Variants in MAST4 observed in about 807,000 individuals in gnomAD.
The protein encoded by MAST4 is microtubule-associated serine/threonine-protein kinase 4.
MAST4 carries 89 observed loss-of-function variants against 162.7 expected under a neutral mutation model. That is an observed-to-expected ratio of 0.55 (90% CI 0.46 to 0.65). MAST4 has a LOEUF of 0.65. MAST4 is among the 30% of genes least tolerant of loss of function. The pLI is 0.00. For synonymous variants in MAST4, 1,479 were observed against 1,361.1 expected (o/e 1.09, Z -1.91); for missense variants, 3,153 against 3,374.0 (o/e 0.93, Z 1.62).
intron 4 of MAST4, among the ~76,000 whole-genome samples, chr5:67,037,596 C>A (rs999023991): frequency 1.3e-5 from 2 of 152,160 alleles, no homozygotes; most frequent in African/African-American, 4.8e-5. Context: ...ATCAGGGAAG[C>A]AGTTTTCTTC....
chr5:67,084,869 G>C (rs1763069829), intron 5 of MAST4, among the ~76,000 whole-genome samples: 1 of 152,154 alleles, frequency 6.6e-6, no homozygotes, highest in African/African-American at 2.4e-5. Context: ...TAAATAATAT[G>C]AGATTTAAAA....
intron 4 of MAST4, among the ~76,000 whole-genome samples, chr5:66,996,433 T>A (rs990362592): frequency 3.0e-4 from 46 of 152,152 alleles, no homozygotes; most frequent in Non-Finnish European, 4.4e-4. Context: ...ACATATTTTT[T>A]AAAAATATCA....
intron 4 of MAST4, among the ~76,000 whole-genome samples, chr5:66,942,859 A>G (rs1169513305): frequency 6.6e-6 from 1 of 152,056 alleles, no homozygotes; most frequent in African/African-American, 2.4e-5. Flanking sequence ...GTGGCTTATA[A>G]ACAGAAACTT....
At position 66,597,008 on chromosome 5, in the gene MAST4, A is replaced by G; in HGVS notation, c.353A>G (p.Gln118Arg). 1 of 1,446,904 alleles carries G rather than the reference A, an allele frequency of 6.9e-7. No homozygotes were observed. Among genetic ancestry groups the G allele is most frequent in the Non-Finnish European group, 9.0e-7 (1 of 1,106,122 alleles). The allele number at this position is 1,446,904 out of a possible 1,614,324, so 89.6% of individuals were successfully genotyped here. Residue 118 changes from glutamine (Q) to arginine (R), a missense_variant, in exon 1 of 29, where the codon CAG (glutamine) becomes CGG (arginine). Around this residue, in one of 7 missense-constraint regions of MAST4, gnomAD observed 327 missense variants for 336.5 expected, o/e 0.97. Transcript: ENST00000403625. ...PRGSSASQEE[Q>R]DEELDHILSP... ...GGCAGCAGCGCGTCCCAGGAGGAGC[A>G]GGACGAGGAGGTGGGCCTTTCCCCA...
intron 10 of MAST4, among the ~76,000 whole-genome samples, chr5:67,108,112 T>G (rs1188948619): frequency 6.6e-6 from 1 of 152,202 alleles, no homozygotes; most frequent in Non-Finnish European, 1.5e-5. Context: ...CTGATTATTC[T>G]TAGAACTAAG....
At chr5:67,118,388 A>C (rs1191019977) in intron 12 of MAST4, among the ~76,000 whole-genome samples, 1 of 152,202 alleles carries the variant, frequency 6.6e-6, no homozygotes, top group Non-Finnish European at 1.5e-5. Flanking sequence ...TGACCCACCG[A>C]AGCCTTTCCA....
chr5:66,639,278 TTGTGTGTGTGTGTGTGTGTG>T (rs70987132), intron 1 of MAST4, among the ~76,000 whole-genome samples: 3 of 138,624 alleles, frequency 2.2e-5, no homozygotes, highest in Non-Finnish European at 4.7e-5. Flanking sequence ...GAGAGGCAGC[TTGTGTGTGTGTGTGTGTGTG>T]TGTGTGTGTG....
At chr5:66,760,143 G>A (rs1247762834) in intron 2 of MAST4, among the ~76,000 whole-genome samples, 1 of 147,714 alleles carries the variant, frequency 6.8e-6, no homozygotes, top group Non-Finnish European at 1.5e-5. Flanking sequence ...ACAGAGTCTC[G>A]CTCCGTTGCT....
At chr5:67,062,334 G>A (rs1458557210) in intron 5 of MAST4, among the ~76,000 whole-genome samples, 1 of 152,042 alleles carries the variant, frequency 6.6e-6, no homozygotes, top group African/African-American at 2.4e-5. Flanking sequence ...GGAGGCGGAG[G>A]CTGCAGTGAG....
intron 19 of MAST4, among the ~76,000 whole-genome samples, chr5:67,137,477 A>T (rs1769811546): frequency 6.6e-6 from 1 of 152,124 alleles, no homozygotes; most frequent in African/African-American, 2.4e-5. Context: ...TGGGTTGTTT[A>T]CTCTGGGCTG....
intron 4 of MAST4, among the ~76,000 whole-genome samples, chr5:66,905,797 C>G (rs1763319661): frequency 1.3e-5 from 2 of 152,062 alleles, no homozygotes; most frequent in African/African-American, 4.8e-5. Flanking sequence ...CTGATATTGG[C>G]AATTGGTTGA....
chr5:67,111,876 C>G (rs189312320), intron 11 of MAST4, among the ~76,000 whole-genome samples: 5 of 152,242 alleles, frequency 3.3e-5, no homozygotes, highest in Admixed American at 2.0e-4. Context: ...TTTCAAAGTA[C>G]TCTTTAAAGC....
intron 4 of MAST4, among the ~76,000 whole-genome samples, chr5:66,972,941 C>T (rs58723421): frequency 0.027 from 4,172 of 152,320 alleles, 169 homozygotes; most frequent in African/African-American, 0.095. Flanking sequence ...ATACTCTCTT[C>T]CTACCCCTTC....
chr5:67,062,177 G>A (rs949420369), intron 5 of MAST4, among the ~76,000 whole-genome samples: 12 of 152,100 alleles, frequency 7.9e-5, no homozygotes, highest in Admixed American at 3.9e-4. Flanking sequence ...TGAGGTGGGC[G>A]GATTACGAGG....
intron 1 of MAST4, among the ~76,000 whole-genome samples, chr5:66,613,841 A>C (rs1406016710): frequency 6.6e-6 from 1 of 152,180 alleles, no homozygotes; most frequent in Non-Finnish European, 1.5e-5. Flanking sequence ...ACCAAAAAAA[A>C]CTTCTGGATT....
chr5:67,107,863 C>G (rs1331792427), intron 10 of MAST4, among the ~76,000 whole-genome samples: 2 of 152,216 alleles, frequency 1.3e-5, no homozygotes, highest in African/African-American at 4.8e-5. Context: ...CTAACCTACT[C>G]TCAAATCTAG....
chr5:67,102,221 C>T (rs1321350175), intron 8 of MAST4, among the ~76,000 whole-genome samples: 1 of 152,038 alleles, frequency 6.6e-6, no homozygotes, highest in Non-Finnish European at 1.5e-5. Flanking sequence ...AGATCTTATG[C>T]AAGCTCATAC....
In MAST4 at chr5:67,140,121, C is replaced by G. The variant is rs140841406; in HGVS notation, c.2495-1994C>G. The stretch of plus-strand genomic sequence containing the variant: ...AGCAACCCAAAATGTGAGGGCTGGG[C>G]CATTGATGTGGCCCCATGAGCAGCA... On this transcript the variant is annotated intron_variant, in intron 19 of 28. Coordinates refer to ENST00000403625, the MANE Select transcript of MAST4 (RefSeq NM_001164664.2). Among the ~76,000 whole-genome samples the G allele has an allele frequency of 7.9e-4, 120 of 152,274 alleles. 1 individual carries two copies. Among genetic ancestry groups the G allele is most frequent in the African/African-American group, 2.6e-3 (109 of 41,546 alleles).
Position 67,165,684 on chromosome 5 carries a change from A to ACTGCAGAGCCCAGCT in MAST4, c.6507_6521dup (p.Ala2170_Ser2174dup). 6.3e-7 allele frequency: 1 copy of ACTGCAGAGCCCAGCT among 1,589,268 alleles called. No homozygotes were observed. Among genetic ancestry groups the ACTGCAGAGCCCAGCT allele is most frequent in the Non-Finnish European group, 8.6e-7 (1 of 1,168,520 alleles). On this transcript the variant is annotated inframe_insertion, in exon 29 of 29. Coordinates refer to ENST00000403625, the MANE Select transcript of MAST4 (RefSeq NM_001164664.2). Reference sequence around the variant, plus strand: ...CAGAGAGCCGGGGGCCAAGCCCAGCACTGCAGAGCCCAGCTCGAGCCCCCA... The same window carrying ACTGCAGAGCCCAGCT: ...CAGAGAGCCGGGGGCCAAGCCCAGCACTGCAGAGCCCAGCTCTGCAGAGCCCAGCTCGAGCCCCCA...
Sources: gnomAD v4.1 joint callset for allele counts (sites outside exome capture counted in the v4.1 genomes callset) on GRCh38, gnomAD v4.1.1 for gene constraint, gnomAD v4.1.1 regional missense constraint, MANE v1.5 for transcripts, NCBI Gene and HGNC (gene_info 2026-07-23, HGNC 2026-07-21) for gene names.